The following ACP3 variants were observed in gnomAD, a reference collection of about 807,000 sequenced individuals.
ACP3 encodes prostatic acid phosphatase.
A neutral mutation model predicts 45.6 loss-of-function variants in ACP3; 38 were observed. The ratio of observed to expected loss-of-function variants is 0.83; its 90% CI spans 0.64 to 1.09. The LOEUF (loss-of-function observed/expected upper bound fraction) is 1.09. Among genes scored for constraint, ACP3 ranks in the 50% least tolerant of loss-of-function variants. ACP3 has a pLI of 0.00. For missense variants in ACP3, 466 were observed against 463.2 expected (o/e 1.01, Z -0.05); for synonymous variants, 162 against 164.7 (o/e 0.98, Z 0.13).
At chr3:132,348,558 C>T (rs1207726139) in intron 7 of ACP3, among the ~76,000 whole-genome samples, 1 of 152,140 alleles carries the variant, frequency 6.6e-6, no homozygotes, top group East Asian at 1.9e-4. Context: ...CTAAAAGGCA[C>T]TTGTTGACAA....
downstream of ACP3, among the ~76,000 whole-genome samples, chr3:132,360,879 C>T (rs1350955507): frequency 2.6e-5 from 4 of 152,196 alleles, no homozygotes; most frequent in East Asian, 1.9e-4. Flanking sequence ...CAGTAGACAA[C>T]GCCTAGAACC....
chr3:132,330,535 T>C (rs756998378), intron 2 of ACP3, among the ~76,000 whole-genome samples: 2 of 152,212 alleles, frequency 1.3e-5, no homozygotes, highest in Non-Finnish European at 2.9e-5. Flanking sequence ...CACTGCTTCA[T>C]ACAGACGACT....
Position 132,358,467 on chromosome 3 carries a change from C to T in ACP3, c.*1589C>T, listed in dbSNP as rs1320022753. On this transcript the variant is annotated 3_prime_UTR_variant, in exon 10 of 10. Coordinates refer to ENST00000336375, the MANE Select transcript of ACP3 (RefSeq NM_001099.5). ...AAGAAGAAATCATGATATAGCTTTG[C>T]CATGTGGCAGATCTACATGTCTAGA... 7.8e-7 allele frequency: 1 copy of T among 1,275,354 alleles called. No homozygotes were observed. Among genetic ancestry groups the T allele is most frequent in the Admixed American group, 2.4e-5 (1 of 42,362 alleles). 79.0% of individuals were successfully genotyped at this position (1,275,354 alleles called of 1,614,324 possible).
chr3:132,329,616 T>A (rs1414284686), intron 2 of ACP3, among the ~76,000 whole-genome samples: 4 of 152,226 alleles, frequency 2.6e-5, no homozygotes, highest in Non-Finnish European at 5.9e-5. Flanking sequence ...CCTGTTCTGT[T>A]GCTATGTTTT....
chr3:132,339,651 G>A (rs745875689), intron 5 of ACP3, among the ~76,000 whole-genome samples: 38 of 152,204 alleles, frequency 2.5e-4, no homozygotes, highest in Non-Finnish European at 4.6e-4. Flanking sequence ...ATAAGGAAAA[G>A]GTCAAGGAGC....
intron 10 of ACP3, among the ~76,000 whole-genome samples, chr3:132,367,087 G>A (rs569724035): frequency 9.2e-5 from 14 of 152,290 alleles, no homozygotes; most frequent in African/African-American, 2.2e-4. Flanking sequence ...ACTAGGGTGC[G>A]TGTATAGGAG....
downstream of ACP3, among the ~76,000 whole-genome samples, chr3:132,359,360 A>AAATT (rs748558458): frequency 9.2e-5 from 14 of 151,862 alleles, no homozygotes; most frequent in East Asian, 3.9e-4. Flanking sequence ...AAAATACAAA[A>AAATT]AGCCGGGCAT....
intron 10 of ACP3, among the ~76,000 whole-genome samples, chr3:132,365,511 G>T (rs1307215520): frequency 2.0e-5 from 3 of 152,176 alleles, no homozygotes; most frequent in Non-Finnish European, 4.4e-5. Context: ...TGAAGGGAGG[G>T]TGATAGGAGA....
chr3:132,341,906 GCAGT>G (rs1427999849), intron 5 of ACP3, among the ~76,000 whole-genome samples: 1 of 152,220 alleles, frequency 6.6e-6, no homozygotes, highest in African/African-American at 2.4e-5. Flanking sequence ...GCCAATTTCA[GCAGT>G]CAGATAGCTG....
At chr3:132,341,777 C>G (rs923131056) in intron 5 of ACP3, among the ~76,000 whole-genome samples, 2 of 152,178 alleles carry the variant, frequency 1.3e-5, no homozygotes, top group Non-Finnish European at 2.9e-5. Flanking sequence ...AGCTCTTTAA[C>G]AATAATTTCT....
At chr3:132,367,696 T>C in intron 10 of ACP3, 1 of 1,580,134 alleles carries the variant, frequency 6.3e-7, no homozygotes, top group Non-Finnish European at 8.7e-7. Context: ...TTTCCTATTT[T>C]CCCACAGTTC....
rs1385774134 is a variant in ACP3, at chr3:132,357,691, C to A, written c.*813C>A. 4.1e-6 allele frequency: 4 copies of A among 985,316 alleles called. No homozygotes were observed. The South Asian group carries it at 1.4e-4, about 35-fold the overall frequency. The allele number at this position is 985,316 out of a possible 1,614,324, so 61.0% of individuals were successfully genotyped here. A position where few individuals can be genotyped will look rare whatever the true frequency, so the allele number is the denominator to read the frequency against. Reference sequence around the variant, plus strand: ...CAACACATCAGGAAAGAGAGCACCACGTGATGGAGTTTCTCTAGAAGCTCC... The same window carrying A: ...CAACACATCAGGAAAGAGAGCACCAAGTGATGGAGTTTCTCTAGAAGCTCC... On this transcript the variant is annotated 3_prime_UTR_variant, in exon 10 of 10. Coordinates refer to ENST00000336375, the MANE Select transcript of ACP3 (RefSeq NM_001099.5).
chr3:132,365,181 A>G (rs991297239), intron 10 of ACP3, among the ~76,000 whole-genome samples: 3 of 152,376 alleles, frequency 2.0e-5, no homozygotes, highest in South Asian at 4.1e-4. Flanking sequence ...ACATTCATGA[A>G]CAAAAAAGAC....
intron 5 of ACP3, among the ~76,000 whole-genome samples, 197 bp downstream of exon 5, chr3:132,337,751 C>T (rs1044530603): frequency 6.6e-6 from 1 of 152,210 alleles, no homozygotes; most frequent in Non-Finnish European, 1.5e-5. Flanking sequence ...ATACAGGGGT[C>T]ACAAGCCAAT....
At chr3:132,365,444 G>A (rs1169388609) in intron 10 of ACP3, among the ~76,000 whole-genome samples, 2 of 152,198 alleles carry the variant, frequency 1.3e-5, no homozygotes, top group East Asian at 3.8e-4. Flanking sequence ...ACTAAGGCAG[G>A]ACTGCTTGGC....
At chr3:132,332,528 C>T in intron 4 of ACP3, 184 bp downstream of exon 4, 1 of 703,954 alleles carries the variant, frequency 1.4e-6, no homozygotes, top group East Asian at 2.8e-5. Context: ...AGAGTAGGAA[C>T]CAAATTTCTC....
Position 132,356,849 on chromosome 3 carries a change from C to T in ACP3, c.1132C>T (p.His378Tyr), listed in dbSNP as rs1284243462. Residue 378 changes from histidine to tyrosine, a missense_variant, in exon 10 of 10, where the codon CAT (histidine) becomes TAT (tyrosine). By Grantham distance (83) the His-to-Tyr change is moderately conservative. Transcript: ENST00000336375. ...WSTECMTTNS[H>Y]QGTEDSTD ...CACGGAGTGTATGACCACAAACAGC[C>T]ATCAAGGTACTGAAGACAGTACAGA... The T allele has an allele frequency of 1.9e-6, 3 of 1,613,996 alleles. No homozygotes were observed. Among genetic ancestry groups the T allele is most frequent in the Non-Finnish European group, 2.5e-6 (3 of 1,180,024 alleles).
At chr3:132,349,892 G>T (rs1249033245) in intron 7 of ACP3, 28 bp from the exon 8 acceptor site, 54 of 1,517,918 alleles carry the variant, frequency 3.6e-5, no homozygotes, top group Non-Finnish European at 4.8e-5. Context: ...GTTTGGTTCA[G>T]TTTGGTTATT....
intron 10 of ACP3, among the ~76,000 whole-genome samples, chr3:132,367,339 T>C (rs902233104): frequency 6.6e-6 from 1 of 152,246 alleles, no homozygotes; most frequent in Non-Finnish European, 1.5e-5. Flanking sequence ...TTAGATCCAA[T>C]TGATTGCAGT....
Sources: allele counts gnomAD v4.1 joint callset (sites outside exome capture counted in the v4.1 genomes callset), GRCh38; gene constraint gnomAD v4.1.1; transcripts MANE v1.5; gene names NCBI Gene and HGNC (gene_info 2026-07-23, HGNC 2026-07-21).